Variants in LRP1B observed in about 807,000 individuals in gnomAD.
LRP1B encodes low-density lipoprotein receptor-related protein 1B.
Under a neutral mutation model 556.6 loss-of-function variants are expected in LRP1B, and 217 were observed. That is an observed-to-expected ratio of 0.39 (90% CI 0.35 to 0.44). The LOEUF is 0.44. Among genes scored for constraint, LRP1B ranks in the 20% least tolerant of loss-of-function variants. The probability of loss-of-function intolerance (pLI) is 1.00; values close to 1 mark genes in which losing one functional copy is unlikely to be tolerated. For missense variants in LRP1B, 5,053 were observed against 5,620.8 expected (o/e 0.90, Z 3.23); for synonymous variants, 2,047 against 1,865.8 (o/e 1.10, Z -2.50).
At chr2:141,604,606 C>T (rs558999849) in intron 2 of LRP1B, among the ~76,000 whole-genome samples, 1 of 152,242 alleles carries the variant, frequency 6.6e-6, no homozygotes, top group South Asian at 2.1e-4. Flanking sequence ...AAATACCTAC[C>T]TTTCCCTAAC....
chr2:141,181,903 G>C (rs974449753), intron 7 of LRP1B, among the ~76,000 whole-genome samples: 2 of 151,968 alleles, frequency 1.3e-5, no homozygotes, highest in African/African-American at 4.8e-5. Context: ...ATATAAAACA[G>C]CTGACATGAA....
chr2:140,715,858 T>C (rs1177142452), intron 37 of LRP1B, 115 bp downstream of exon 37: 1 of 791,350 alleles, frequency 1.3e-6, no homozygotes, highest in Non-Finnish European at 1.9e-6. Flanking sequence ...TCTGCTTAGG[T>C]AAGATATTCT....
intron 41 of LRP1B, among the ~76,000 whole-genome samples, chr2:140,676,095 T>G (rs1302206211): frequency 6.6e-6 from 1 of 152,192 alleles, no homozygotes; most frequent in African/African-American, 2.4e-5. Context: ...TAAAACTAAG[T>G]ACTTATTTTC....
chr2:141,440,592 G>T (rs1207111602), intron 3 of LRP1B, among the ~76,000 whole-genome samples: 2 of 152,198 alleles, frequency 1.3e-5, no homozygotes, highest in Admixed American at 1.3e-4. Context: ...ACCTAACATT[G>T]CTGTAACATT....
chr2:140,241,134 G>T (rs1162840722), intron 87 of LRP1B, among the ~76,000 whole-genome samples: 31 of 150,826 alleles, frequency 2.1e-4, no homozygotes, highest in Non-Finnish European at 3.0e-5. Flanking sequence ...AGAACTTATG[G>T]TGTTTGATAT....
intron 59 of LRP1B, among the ~76,000 whole-genome samples, chr2:140,482,873 C>G (rs1688298302): frequency 6.6e-6 from 1 of 152,134 alleles, no homozygotes; most frequent in African/African-American, 2.4e-5. Flanking sequence ...TTGATATAAT[C>G]AAAACATATG....
chr2:141,034,741 A>G (rs1010694089), intron 11 of LRP1B, among the ~76,000 whole-genome samples: 3 of 148,306 alleles, frequency 2.0e-5, no homozygotes, highest in South Asian at 2.2e-4. Flanking sequence ...AAATAGGAAC[A>G]CTTTTACACT....
intron 2 of LRP1B, among the ~76,000 whole-genome samples, chr2:141,539,867 T>C (rs1475692476): frequency 6.6e-6 from 1 of 152,112 alleles, no homozygotes; most frequent in African/African-American, 2.4e-5. Flanking sequence ...CACTTAAAAA[T>C]GTAAGAGCAT....
intron 3 of LRP1B, among the ~76,000 whole-genome samples, chr2:141,399,811 G>A (rs1054872122): frequency 6.6e-6 from 1 of 152,114 alleles, no homozygotes; most frequent in Non-Finnish European, 1.5e-5. Flanking sequence ...TCAAATTCCA[G>A]AATCTACAAT....
chr2:141,470,300 A>G (rs1280995438), intron 3 of LRP1B, among the ~76,000 whole-genome samples: 1 of 152,202 alleles, frequency 6.6e-6, no homozygotes, highest in Non-Finnish European at 1.5e-5. Context: ...ACCAAATGAA[A>G]GCACTAATTT....
chr2:142,110,455 C>T (rs1213182588), intron 1 of LRP1B, among the ~76,000 whole-genome samples: 2 of 152,076 alleles, frequency 1.3e-5, no homozygotes, highest in African/African-American at 2.4e-5. Context: ...TCACAGGACA[C>T]GCAGCAAGAG....
At chr2:140,534,227 A>T in intron 46 of LRP1B, 87 bp from the exon 47 acceptor site, 1 of 1,231,114 alleles carries the variant, frequency 8.1e-7, no homozygotes, top group Non-Finnish European at 1.1e-6. Context: ...TTTCATTCAT[A>T]ATGACTGGAT....
At chr2:141,769,417 G>A (rs76106403) in intron 2 of LRP1B, among the ~76,000 whole-genome samples, 3,265 of 152,252 alleles carry the variant, frequency 0.021, 120 homozygotes, top group African/African-American at 0.076. Context: ...AAGGAAAAAA[G>A]TCAACAGATA....
At chr2:142,031,156 TATA>T (rs1382615596) in intron 1 of LRP1B, among the ~76,000 whole-genome samples, 1 of 151,780 alleles carries the variant, frequency 6.6e-6, no homozygotes, top group Non-Finnish European at 1.5e-5. Flanking sequence ...TTCCTCATTA[TATA>T]ATATGATATA....
chr2:141,868,442 T>C (rs1354414109), intron 1 of LRP1B, among the ~76,000 whole-genome samples: 1 of 152,178 alleles, frequency 6.6e-6, no homozygotes, highest in African/African-American at 2.4e-5. Flanking sequence ...GGGCCTTTTG[T>C]TGCACCTCAG....
At chr2:140,926,113 A>T (rs536121331) in intron 20 of LRP1B, among the ~76,000 whole-genome samples, 2 of 147,206 alleles carry the variant, frequency 1.4e-5, no homozygotes, top group Admixed American at 1.4e-4. Context: ...GTATGCTGGC[A>T]TAACATCTAC....
chr2:140,976,754 A>C (rs1696614731), intron 18 of LRP1B, among the ~76,000 whole-genome samples: 1 of 151,762 alleles, frequency 6.6e-6, no homozygotes, highest in Non-Finnish European at 1.5e-5. Context: ...CAAGTGGTTC[A>C]CCTACCTCAG....
chr2:141,853,213 A>G (rs757587750), intron 1 of LRP1B, among the ~76,000 whole-genome samples: 3 of 151,618 alleles, frequency 2.0e-5, no homozygotes, highest in Non-Finnish European at 3.0e-5. Context: ...AGGACTGTGA[A>G]TGTTAAGGGA....
chr2:141,679,868 A>T (rs1691041852), intron 2 of LRP1B, among the ~76,000 whole-genome samples: 1 of 151,378 alleles, frequency 6.6e-6, no homozygotes, highest in African/African-American at 2.4e-5. Flanking sequence ...TATAGATATG[A>T]GATATAAAAA....
Sources: gnomAD v4.1 joint callset for allele counts (sites outside exome capture counted in the v4.1 genomes callset) on GRCh38, gnomAD v4.1.1 for gene constraint, MANE v1.5 for transcripts, NCBI Gene and HGNC (gene_info 2026-07-23, HGNC 2026-07-21) for gene names.